Variants in ARHGAP8 observed in about 807,000 individuals in gnomAD.
ARHGAP8 encodes the protein rho GTPase-activating protein 8.
In ARHGAP8, 62 loss-of-function variants were observed where a neutral mutation model predicts 46.1. The observed-to-expected ratio is 1.34, with a 90% confidence interval of 1.10 to 1.66. The LOEUF (loss-of-function observed/expected upper bound fraction) is 1.66, where lower values mean the gene tolerates loss of function less well. Among genes scored for constraint, ARHGAP8 ranks in the 40% most tolerant of loss-of-function variants. The pLI is 0.00. For missense variants in ARHGAP8, 923 were observed against 568.4 expected (o/e 1.62, Z -6.34); for synonymous variants, 375 against 243.1 (o/e 1.54, Z -5.05).
chr22:44,849,171 T>C, intron 10 of ARHGAP8, 111 bp downstream of exon 10: 1 of 1,549,322 alleles, frequency 6.5e-7, no homozygotes. Flanking sequence ...GTACCCACCC[T>C]CCTCCTGTTG....
intron 5 of ARHGAP8, among the ~76,000 whole-genome samples, chr22:44,819,707 C>T (rs1929992635): frequency 6.6e-6 from 1 of 152,180 alleles, no homozygotes; most frequent in African/African-American, 2.4e-5. Flanking sequence ...TAAAACTACC[C>T]TTTTGTATTA....
intron 5 of ARHGAP8, among the ~76,000 whole-genome samples, chr22:44,817,343 G>A (rs1460018903): frequency 8.5e-5 from 13 of 152,246 alleles, no homozygotes; most frequent in Admixed American, 8.5e-4. Flanking sequence ...CATGTCACTA[G>A]AATTTCCTGC....
chr22:44,773,701 A>G (rs1186677949), intron 1 of ARHGAP8, among the ~76,000 whole-genome samples: 1 of 151,974 alleles, frequency 6.6e-6, no homozygotes, highest in Non-Finnish European at 1.5e-5. Context: ...TCCTGCCTCA[A>G]TCTCCCGAGT....
At chr22:44,755,494 G>A (rs1479274608) in intron 1 of ARHGAP8, among the ~76,000 whole-genome samples, 1 of 152,220 alleles carries the variant, frequency 6.6e-6, no homozygotes, top group Non-Finnish European at 1.5e-5. Context: ...CGTGTGTCCA[G>A]ATGCTTCCCA....
intron 6 of ARHGAP8, among the ~76,000 whole-genome samples, chr22:44,824,875 C>T (rs991476704): frequency 1.3e-5 from 2 of 151,936 alleles, no homozygotes; most frequent in Admixed American, 1.3e-4. Context: ...TCAAGTGATC[C>T]ACCTGCCTCG....
chr22:44,780,534 C>T lies in ARHGAP8; in HGVS notation c.-71-5923C>T, dbSNP rs150696069. ...AAAATTAGCCGGACATGGTGGCGGG[C>T]GCCTGTAGTCCCAGCTACTCAGGAG... On this transcript the variant is annotated intron_variant, in intron 1 of 11. Transcript: ENST00000356099. Among the ~76,000 whole-genome samples the T allele has an allele frequency of 3.4e-3, 513 of 151,862 alleles. 24 individuals are homozygous for T. The East Asian group carries it at 0.088, about 26-fold the overall frequency.
Position 44,787,489 on chromosome 22 carries a change from C to T in ARHGAP8, c.79+883C>T, listed in dbSNP as rs183771600. 2.7e-3 allele frequency among the ~76,000 whole-genome samples: 416 copies of T among 152,146 alleles called. 1 individual carries two copies. The highest frequency in any genetic ancestry group is 6.8e-3 in the Middle Eastern group (2 of 294). On this transcript the variant is annotated intron_variant, in intron 2 of 11. Transcript: ENST00000356099. ...CCTCCCAAGTAGCTGGGATTACAGG[C>T]GCTCACCCCCACACTCAGCTAATTT...
chr22:44,818,117 TA>T (rs1465047760), intron 5 of ARHGAP8, among the ~76,000 whole-genome samples: 3 of 148,118 alleles, frequency 2.0e-5, no homozygotes, highest in African/African-American at 7.5e-5. Flanking sequence ...TTGTTGTACT[TA>T]AGAGTTCTAG....
Position 44,847,815 on chromosome 22 carries a change from C to T in ARHGAP8, c.671-158C>T, listed in dbSNP as rs79260422. 3.4e-3 allele frequency among the ~76,000 whole-genome samples: 513 copies of T among 152,268 alleles called. 4 individuals are homozygous for T. Among genetic ancestry groups the T allele is most frequent in the African/African-American group, 0.012 (490 of 41,552 alleles). On this transcript the variant is annotated intron_variant, in intron 8 of 11. Coordinates refer to ENST00000356099, the MANE Select transcript of ARHGAP8 (RefSeq NM_181335.3). Reference sequence around the variant, plus strand: ...TCCATGGACCACAGAGGTGGGAAATCGGGTGGGTTGGGGAATATGGAAAGG... The same window carrying T: ...TCCATGGACCACAGAGGTGGGAAATTGGGTGGGTTGGGGAATATGGAAAGG...
intron 1 of ARHGAP8, among the ~76,000 whole-genome samples, chr22:44,769,457 A>G (rs1925840132): frequency 6.6e-6 from 1 of 152,162 alleles, no homozygotes; most frequent in South Asian, 2.1e-4. Flanking sequence ...AGTTTCAGAT[A>G]AATTTTGGAA....
At chr22:44,810,483 G>A (rs1157348453) in intron 4 of ARHGAP8, among the ~76,000 whole-genome samples, 2 of 151,934 alleles carry the variant, frequency 1.3e-5, no homozygotes, top group African/African-American at 4.8e-5. Flanking sequence ...CTCGTGATCC[G>A]CCTGCCTTGG....
chr22:44,858,943 C>G (rs1055371715), intron 10 of ARHGAP8, among the ~76,000 whole-genome samples: 8 of 151,930 alleles, frequency 5.3e-5, no homozygotes, highest in East Asian at 3.9e-4. Context: ...TGCAACTACT[C>G]AGCTCTGCCC....
chr22:44,759,269 A>G (rs1260531847), intron 1 of ARHGAP8, among the ~76,000 whole-genome samples: 1 of 152,140 alleles, frequency 6.6e-6, no homozygotes, highest in African/African-American at 2.4e-5. Flanking sequence ...CTGTCAGGGC[A>G]CACACAGTGA....
At chr22:44,817,807 C>T (rs764079891) in intron 5 of ARHGAP8, among the ~76,000 whole-genome samples, 1 of 151,808 alleles carries the variant, frequency 6.6e-6, no homozygotes, top group Non-Finnish European at 1.5e-5. Flanking sequence ...AACTCCATCT[C>T]AAAAAACAGA....
At chr22:44,861,551 C>T (rs925564653) in intron 11 of ARHGAP8, among the ~76,000 whole-genome samples, 1 of 152,320 alleles carries the variant, frequency 6.6e-6, no homozygotes, top group South Asian at 2.1e-4. Flanking sequence ...CCCTGCCTCC[C>T]TCCAGTTCTC....
intron 10 of ARHGAP8, among the ~76,000 whole-genome samples, chr22:44,852,074 C>T (rs1489288685): frequency 6.6e-6 from 1 of 151,112 alleles, no homozygotes; most frequent in Non-Finnish European, 1.5e-5. Context: ...ACCTGTAATC[C>T]TAGCTACTCA....
intron 4 of ARHGAP8, among the ~76,000 whole-genome samples, chr22:44,813,831 A>G (rs1179920656): frequency 1.3e-5 from 2 of 152,150 alleles, no homozygotes; most frequent in Admixed American, 6.5e-5. Flanking sequence ...AGAGCTACAC[A>G]CACCTACACA....
chr22:44,809,336 C>T, intron 4 of ARHGAP8: 1 of 390,162 alleles, frequency 2.6e-6, no homozygotes, highest in Non-Finnish European at 5.2e-6. Flanking sequence ...GCAGCCTGTA[C>T]CAAAGCAGGA....
chr22:44,805,221 T>C (rs1160674165), intron 3 of ARHGAP8, among the ~76,000 whole-genome samples: 1 of 152,210 alleles, frequency 6.6e-6, no homozygotes, highest in Non-Finnish European at 1.5e-5. Flanking sequence ...GGGCCAGGAA[T>C]GAGCTCACGA....
Sources: allele counts gnomAD v4.1 joint callset (sites outside exome capture counted in the v4.1 genomes callset), GRCh38; gene constraint gnomAD v4.1.1; transcripts MANE v1.5; gene names NCBI Gene and HGNC (gene_info 2026-07-23, HGNC 2026-07-21).